Variants in MTHFD1L observed in about 807,000 individuals in gnomAD.
MTHFD1L encodes the protein monofunctional C1-tetrahydrofolate synthase, mitochondrial.
Under a neutral mutation model 119.5 loss-of-function variants are expected in MTHFD1L, and 81 were observed. The observed-to-expected ratio is 0.68, with a 90% confidence interval of 0.57 to 0.82. The LOEUF (loss-of-function observed/expected upper bound fraction) is 0.82, where lower values mean the gene tolerates loss of function less well. Ranked by LOEUF, MTHFD1L falls within the 40% of genes least tolerant of loss-of-function variation. The pLI is 0.00. For missense variants in MTHFD1L, 1,125 were observed against 1,253.4 expected, an observed-to-expected ratio of 0.90 and a Z score of 1.55; for synonymous variants, 430 against 475.2, an observed-to-expected ratio of 0.90 and a Z score of 1.24.
rs748372658 is a variant in MTHFD1L at position 151,025,234 on chromosome 6, G to C, written c.2587-9259G>C. Among the ~76,000 whole-genome samples, 88 of 152,360 alleles carry C rather than the reference G, an allele frequency of 5.8e-4. No individual in the cohort carries two copies. In the Middle Eastern group the frequency reaches 0.014, roughly 24 times the overall value. On this transcript the variant is annotated intron_variant, in intron 24 of 27. Transcript: ENST00000367321. ...GTTGCTCAGGGCCCGCGAGCCCACAGGGCTCCATGCCCACTGAGCAGGCTC... is the reference window on the plus strand; with the variant it reads ...GTTGCTCAGGGCCCGCGAGCCCACACGGCTCCATGCCCACTGAGCAGGCTC...
chr6:151,016,817 G>C (rs1783145126), intron 24 of MTHFD1L: 1 of 184,164 alleles, frequency 5.4e-6, no homozygotes, highest in African/African-American at 3.2e-5. Flanking sequence ...CTGTTGCCCA[G>C]GCTGGAGTGC....
chr6:150,884,832 C>G (rs1781962898), intron 5 of MTHFD1L, among the ~76,000 whole-genome samples: 1 of 152,104 alleles, frequency 6.6e-6, no homozygotes, highest in Non-Finnish European at 1.5e-5. Flanking sequence ...GCCCCCCACC[C>G]CGACTTCTCA....
chr6:150,981,637 T>C (rs1777513496), intron 20 of MTHFD1L, among the ~76,000 whole-genome samples: 1 of 152,242 alleles, frequency 6.6e-6, no homozygotes, highest in Non-Finnish European at 1.5e-5. Flanking sequence ...GTACTCAATT[T>C]AGAAAGCAGC....
intron 7 of MTHFD1L, among the ~76,000 whole-genome samples, chr6:150,899,357 A>G (rs1784757412): frequency 6.6e-6 from 1 of 152,222 alleles, no homozygotes; most frequent in Non-Finnish European, 1.5e-5. Flanking sequence ...AGATGAGAGT[A>G]GAAATAAAAG....
rs531256858 is a variant in MTHFD1L at position 150,971,994 on chromosome 6, C to A, written c.2061C>A (p.His687Gln). The stretch of plus-strand genomic sequence containing the variant: ...CGGGCCCTTTTGCTAACATTGCTCA[C>A]GGCAACTCTTCAGTGTTGGCTGATA... ...VHAGPFANIA[H>Q]GNSSVLADKI... The change falls in exon 20 of 28, where the codon CAC becomes CAA. Residue 687 changes from histidine (H) to glutamine (Q), a missense_variant. Physicochemically the swap from His to Gln is conservative, Grantham distance 24 (BLOSUM62 0). This residue lies in a region of MTHFD1L where 1,058 missense variants were observed against 1,151.2 expected (regional missense o/e 0.92). Coordinates refer to ENST00000367321, the MANE Select transcript of MTHFD1L (RefSeq NM_015440.5). 6.2e-7 allele frequency: 1 copy of A among 1,614,100 alleles called. No individual in the cohort carries two copies. Among genetic ancestry groups the A allele is most frequent in the Admixed American group, 1.7e-5 (1 of 60,016 alleles).
chr6:151,012,019 C>CAAAAAAAAAAAAAAAAAA (rs1043831602), intron 21 of MTHFD1L, among the ~76,000 whole-genome samples: 6 of 58,808 alleles, frequency 1.0e-4, no homozygotes, highest in Non-Finnish European at 1.3e-4. Context: ...ACAACAACAA[C>CAAAAAAAAAAAAAAAAAA]AAAAAAAAAA....
At chr6:150,964,102 G>A (rs1243945209) in intron 18 of MTHFD1L, among the ~76,000 whole-genome samples, 1 of 152,244 alleles carries the variant, frequency 6.6e-6, no homozygotes, top group East Asian at 1.9e-4. Flanking sequence ...CCTGGAGGCA[G>A]AGGTTGCAGT....
At chr6:150,877,183 G>T (rs1212425333) in intron 2 of MTHFD1L, among the ~76,000 whole-genome samples, 3 of 152,154 alleles carry the variant, frequency 2.0e-5, no homozygotes, top group African/African-American at 4.8e-5. Context: ...CTCCTGAGTA[G>T]CTAGGACTGC....
intron 2 of MTHFD1L, among the ~76,000 whole-genome samples, chr6:150,876,519 T>C (rs756024586): frequency 1.3e-5 from 2 of 152,236 alleles, no homozygotes; most frequent in Non-Finnish European, 2.9e-5. Context: ...AAGTGGCACT[T>C]TGTTTCAATG....
intron 2 of MTHFD1L, 69 bp from the exon 3 acceptor site, chr6:150,877,565 A>G (rs1278813047): frequency 3.3e-6 from 5 of 1,529,350 alleles, no homozygotes; most frequent in Non-Finnish European, 3.6e-6. Flanking sequence ...CACAAAATTC[A>G]TCTCTGGATT....
At chr6:151,021,457 A>G (rs1783935114) in intron 24 of MTHFD1L, among the ~76,000 whole-genome samples, 1 of 152,174 alleles carries the variant, frequency 6.6e-6, no homozygotes, top group South Asian at 2.1e-4. Context: ...CTGAGGCAGG[A>G]GAATCGCTTG....
At chr6:151,064,602 C>A (rs951346343) in intron 26 of MTHFD1L, among the ~76,000 whole-genome samples, 1 of 152,066 alleles carries the variant, frequency 6.6e-6, no homozygotes, top group African/African-American at 2.4e-5. Flanking sequence ...CATGAGCCGC[C>A]GTGCCCAGCC....
chr6:150,993,774 C>T (rs971531494), intron 20 of MTHFD1L, among the ~76,000 whole-genome samples: 1 of 151,990 alleles, frequency 6.6e-6, no homozygotes, highest in Non-Finnish European at 1.5e-5. Flanking sequence ...CCTTCAGTGG[C>T]GTAGCTTGGG....
chr6:151,027,566 C>A (rs1032829452), intron 24 of MTHFD1L, among the ~76,000 whole-genome samples: 3 of 151,330 alleles, frequency 2.0e-5, no homozygotes, highest in Admixed American at 2.0e-4. Flanking sequence ...TAAAAGCTAT[C>A]ATTTACTACA....
At position 150,867,623 on chromosome 6, in the gene MTHFD1L, T is replaced by G. The variant is rs79669138; in HGVS notation, c.227+1574T>G. Among the ~76,000 whole-genome samples the G allele has an allele frequency of 1.8e-4, 28 of 152,290 alleles. No homozygotes were observed. The East Asian group carries it at 5.4e-3, about 29-fold the overall frequency. The stretch of plus-strand genomic sequence containing the variant: ...CCTGAAACTTCCTTCTTTGCTCATT[T>G]CTTGTCTGTCTCACCCACCTGGAAT... On this transcript the variant is annotated intron_variant, in intron 1 of 27. Coordinates refer to ENST00000367321, the MANE Select transcript of MTHFD1L (RefSeq NM_015440.5).
At chr6:150,894,032 C>A (rs975948029) in intron 7 of MTHFD1L, among the ~76,000 whole-genome samples, 1 of 152,004 alleles carries the variant, frequency 6.6e-6, no homozygotes, top group Non-Finnish European at 1.5e-5. Context: ...TTGCTTGAGC[C>A]CAGGAGTTTG....
At chr6:150,964,058 A>G (rs1796845141) in intron 18 of MTHFD1L, among the ~76,000 whole-genome samples, 1 of 152,210 alleles carries the variant, frequency 6.6e-6, no homozygotes. Context: ...AGTCCCAGCT[A>G]CTGGGGAGGC....
At chr6:150,966,338 G>A (rs1189593465) in intron 19 of MTHFD1L, among the ~76,000 whole-genome samples, 1 of 152,134 alleles carries the variant, frequency 6.6e-6, no homozygotes, top group African/African-American at 2.4e-5. Context: ...GAAGGAGGAA[G>A]TGCTACACAC....
chr6:150,966,235 A>T (rs1797195517), intron 19 of MTHFD1L, among the ~76,000 whole-genome samples: 1 of 152,184 alleles, frequency 6.6e-6, no homozygotes. Flanking sequence ...CTGTACAGGA[A>T]GCATGGCTGG....
Sources: gnomAD v4.1 joint callset for allele counts (sites outside exome capture counted in the v4.1 genomes callset) on GRCh38, gnomAD v4.1.1 for gene constraint, gnomAD v4.1.1 regional missense constraint, MANE v1.5 for transcripts, NCBI Gene and HGNC (gene_info 2026-07-23, HGNC 2026-07-21) for gene names.